The following NOP9 variants were observed in gnomAD, a reference collection of about 807,000 sequenced individuals.
The protein encoded by NOP9 is NOP9 nucleolar protein.
NOP9 carries 50 observed loss-of-function variants against 63.0 expected under a neutral mutation model. The ratio of observed to expected loss-of-function variants is 0.79; its 90% CI spans 0.63 to 1.00. The LOEUF (loss-of-function observed/expected upper bound fraction) is 1.00, where lower values mean the gene tolerates loss of function less well. Ranked by LOEUF, NOP9 falls within the 50% of genes least tolerant of loss-of-function variation. NOP9 has a pLI of 0.00. For missense variants in NOP9, 758 were observed against 803.0 expected (o/e 0.94, Z 0.68); for synonymous variants, 343 against 332.8 (o/e 1.03, Z -0.33).
Position 24,301,659 on chromosome 14 carries a change from G to T in NOP9, c.745G>T (p.Val249Phe). 6.2e-7 allele frequency: 1 copy of T among 1,614,148 alleles called. No individual in the cohort carries two copies. ...AQECKPADFEVPETFLNRLQD... is the reference protein window; with the variant it reads ...AQECKPADFEFPETFLNRLQD... ...GGAATGTAAGCCAGCTGATTTTGAA[G>T]TCCCTGAAACCTTTTTGAATCGCCT... The change falls in exon 3 of 10, where the codon GTC becomes TTC. Residue 249 changes from valine to phenylalanine, a missense_variant. Transcript: ENST00000267425.
rs562930189 is a variant in NOP9 at position 24,300,617 on chromosome 14, C to T, written c.457C>T (p.Leu153Phe). The T allele has an allele frequency of 2.5e-6, 4 of 1,612,896 alleles. No homozygotes were observed. The highest frequency in any genetic ancestry group is 4.5e-5 in the East Asian group (2 of 44,882). ...TGTATTACAAAGTGCTTTGCTACAG[C>T]TCCCTCGATTGCTGGGGAGTGCTGC... is the stretch of plus-strand genomic sequence containing the variant. ...VHVLQSALLQLPRLLGSAAEE... is the reference protein window; with the variant it reads ...VHVLQSALLQFPRLLGSAAEE... Residue 153 changes from leucine (L) to phenylalanine (F), a missense_variant, in exon 2 of 10, where the codon CTC (leucine) becomes TTC (phenylalanine). Physicochemically the swap from Leu to Phe is conservative, Grantham distance 22 (BLOSUM62 0). Transcript: ENST00000267425.
chr14:24,295,799 G>A (rs1298522691), upstream of NOP9, among the ~76,000 whole-genome samples: 2 of 152,202 alleles, frequency 1.3e-5, no homozygotes, highest in South Asian at 4.1e-4. Flanking sequence ...ATTGTTACCA[G>A]AGTACCAAAA....
intron 8 of NOP9, 108 bp downstream of exon 8, chr14:24,304,385 C>CT (rs2041438439): frequency 2.3e-6 from 3 of 1,300,286 alleles, no homozygotes; most frequent in African/African-American, 2.9e-5. Flanking sequence ...AATTCCTAGA[C>CT]TATTTTAATT....
chr14:24,289,442 A>G, the NOP9 span, among the ~76,000 whole-genome samples: 1 of 152,176 alleles, frequency 6.6e-6, no homozygotes, highest in Non-Finnish European at 1.5e-5. Context: ...GTGGATTTTA[A>G]TGATGGCTGT....
rs1366526502 is a variant in NOP9, at chr14:24,307,984, A to C, written c.*2889A>C. ...CCCAGGACAAGGTGGGAATGAGTCAAGCCTGGACTCTGGCCCCCCTGCCTG... is the reference window on the plus strand; with the variant it reads ...CCCAGGACAAGGTGGGAATGAGTCACGCCTGGACTCTGGCCCCCCTGCCTG... On this transcript the variant is annotated 3_prime_UTR_variant, in exon 10 of 10. Coordinates refer to ENST00000267425, the MANE Select transcript of NOP9 (RefSeq NM_174913.3). 1.1e-6 allele frequency: 1 copy of C among 878,610 alleles called. No individual in the cohort carries two copies. The highest frequency in any genetic ancestry group is 1.8e-6 in the Non-Finnish European group (1 of 543,030). The allele number at this position is 878,610 out of a possible 1,614,324, so 54.4% of individuals were successfully genotyped here.
upstream of NOP9, chr14:24,296,574 G>C: frequency 3.1e-6 from 5 of 1,614,134 alleles, no homozygotes; most frequent in South Asian, 4.4e-5. Context: ...CCTTATTCCT[G>C]GTGTTCAGGA....
At chr14:24,303,311 G>C in intron 6 of NOP9, 97 bp downstream of exon 6, 1 of 1,470,626 alleles carries the variant, frequency 6.8e-7, no homozygotes, top group South Asian at 1.1e-5. Flanking sequence ...CTGGACTCAG[G>C]AAGTCTAATG....
Position 24,304,167 on chromosome 14 carries a change from C to G in NOP9, c.1537C>G (p.Gln513Glu), listed in dbSNP as rs749451945. 1 of 1,614,250 alleles carries G rather than the reference C, an allele frequency of 6.2e-7. No individual in the cohort carries two copies. The highest frequency in any genetic ancestry group is 8.5e-7 in the Non-Finnish European group (1 of 1,180,042). ...LRSLGALTGP[Q>E]LLSLAQSPAG... Reference sequence around the variant, plus strand: ...AAGTCTGGGTGCCTTGACGGGACCACAGCTTCTGTCCCTTGCCCAAAGTCC... The same window carrying G: ...AAGTCTGGGTGCCTTGACGGGACCAGAGCTTCTGTCCCTTGCCCAAAGTCC... The change falls in exon 8 of 10, where the codon CAG (glutamine) becomes GAG (glutamate). Residue 513 changes from glutamine to glutamate, a missense_variant. Coordinates refer to ENST00000267425, the MANE Select transcript of NOP9 (RefSeq NM_174913.3).
chr14:24,274,250 A>G, the NOP9 span, among the ~76,000 whole-genome samples: 3 of 152,188 alleles, frequency 2.0e-5, no homozygotes, highest in Non-Finnish European at 2.9e-5. Context: ...GCCTTGCATC[A>G]TAGTCACTAA....
Position 24,305,033 on chromosome 14 carries a change from G to T in NOP9, c.1849G>T (p.Glu617Ter). The change falls in exon 10 of 10, where the codon GAA (glutamate) becomes TAA (stop). Residue 617 changes from glutamate (E) to a stop codon, truncating the protein, a stop_gained. Coordinates refer to ENST00000267425, the MANE Select transcript of NOP9 (RefSeq NM_174913.3). LOFTEE classifies it high-confidence loss of function. Reference sequence around the variant, plus strand: ...CTTCCTAAAGCGGCGAGAGGCTTGGGAACAGCAGCAGGGTGCGGTGGCCAA... The same window carrying T: ...CTTCCTAAAGCGGCGAGAGGCTTGGTAACAGCAGCAGGGTGCGGTGGCCAA... ...TTFLKRREAW[E>*]QQQGAVAKRR... 3 of 1,606,352 alleles carry T rather than the reference G, an allele frequency of 1.9e-6. No homozygotes were observed. The highest frequency in any genetic ancestry group is 1.1e-5 in the South Asian group (1 of 89,902).
the NOP9 span, chr14:24,292,145 T>C: frequency 6.2e-7 from 1 of 1,612,434 alleles, no homozygotes; most frequent in South Asian, 1.1e-5. Flanking sequence ...AGAGGCCGAC[T>C]CCCCTGTTCT....
chr14:24,291,418 G>T, the NOP9 span: 2 of 1,108,172 alleles, frequency 1.8e-6, no homozygotes, highest in Non-Finnish European at 1.4e-6. Flanking sequence ...TGGGAATGCT[G>T]ACCCCTTGGG....
Position 24,304,598 on chromosome 14 carries a change from G to A in NOP9, c.1753G>A (p.Gly585Arg). The part of the protein sequence containing the change: ...RARKEIAAEL[G>R]EQNQELIRDP... ...CCGGAAGGAAATTGCTGCTGAGCTT[G>A]GTGAGTACCAGCCCCTCTCTTTGAT... The change falls in exon 9 of 10, where the codon GGG becomes AGG. Residue 585 changes from glycine to arginine, a missense_variant and splice_region_variant. Transcript: ENST00000267425. 1 of 1,603,584 alleles carries A rather than the reference G, an allele frequency of 6.2e-7. No individual in the cohort carries two copies. Among genetic ancestry groups the A allele is most frequent in the African/African-American group, 1.3e-5 (1 of 74,542 alleles).
At position 24,299,934 on chromosome 14, in the gene NOP9, C is replaced by G. The variant is rs1349767793; in HGVS notation, c.-21C>G. The G allele has an allele frequency of 5.3e-6, 8 of 1,517,812 alleles. No individual in the cohort carries two copies. Among genetic ancestry groups the G allele is most frequent in the African/African-American group, 4.2e-5 (3 of 71,742 alleles). 94.0% of individuals were successfully genotyped at this position (1,517,812 alleles called of 1,614,324 possible). The stretch of plus-strand genomic sequence containing the variant: ...CCGCAGTTAAGGAAGCTTTTGCAGC[C>G]GGACAGGTCGCGAAGCACACATGGG... On this transcript the variant is annotated 5_prime_UTR_variant, in exon 1 of 10. Coordinates refer to ENST00000267425, the MANE Select transcript of NOP9 (RefSeq NM_174913.3).
At chr14:24,281,885 C>T in the NOP9 span, among the ~76,000 whole-genome samples, 1 of 152,132 alleles carries the variant, frequency 6.6e-6, no homozygotes, top group African/African-American at 2.4e-5. Flanking sequence ...AACCCTTCCT[C>T]TACCCAAAGT....
At chr14:24,286,443 A>C in the NOP9 span, among the ~76,000 whole-genome samples, 1 of 152,138 alleles carries the variant, frequency 6.6e-6, no homozygotes, top group East Asian at 1.9e-4. Flanking sequence ...CCAAAATTCA[A>C]ATCTGATGAT....
the NOP9 span, chr14:24,292,359 G>A: frequency 1.2e-6 from 2 of 1,612,234 alleles, no homozygotes; most frequent in Middle Eastern, 1.7e-4. Flanking sequence ...CAGGGTAAGA[G>A]CCACCTAGCC....
At chr14:24,281,895 T>C in the NOP9 span, among the ~76,000 whole-genome samples, 4 of 152,082 alleles carry the variant, frequency 2.6e-5, no homozygotes, top group African/African-American at 9.7e-5. Context: ...CTACCCAAAG[T>C]AGAAGGCCTC....
At chr14:24,298,133 A>G (rs1323681584), upstream of NOP9, among the ~76,000 whole-genome samples, 1 of 152,068 alleles carries the variant, frequency 6.6e-6, no homozygotes, top group Non-Finnish European at 1.5e-5. Context: ...GCAACCTCGA[A>G]CTCCTGGGCT....
Sources: gnomAD v4.1 joint callset for allele counts (sites outside exome capture counted in the v4.1 genomes callset) on GRCh38, gnomAD v4.1.1 for gene constraint, MANE v1.5 for transcripts, NCBI Gene and HGNC (gene_info 2026-07-23, HGNC 2026-07-21) for gene names.